CAMTA1: variants seen among roughly 807,000 people sequenced by gnomAD.
CAMTA1 encodes calmodulin binding transcription activator 1.
In CAMTA1, 27 loss-of-function variants were observed where a neutral mutation model predicts 170.9. That is an observed-to-expected ratio of 0.16 (90% CI 0.12 to 0.22). The LOEUF (loss-of-function observed/expected upper bound fraction) is 0.22. Among genes scored for constraint, CAMTA1 ranks in the 10% least tolerant of loss-of-function variants. CAMTA1 has a pLI of 1.00. For synonymous variants in CAMTA1, 833 were observed against 891.5 expected, an observed-to-expected ratio of 0.93 and a Z score of 1.17; for missense variants, 1,619 against 2,217.2, an observed-to-expected ratio of 0.73 and a Z score of 5.42.
intron 6 of CAMTA1, among the ~76,000 whole-genome samples, chr1:7,600,089 G>A (rs2095428621): frequency 6.6e-6 from 1 of 152,170 alleles, no homozygotes; most frequent in Non-Finnish European, 1.5e-5. Context: ...GTCATAGATA[G>A]CTCTTATGAT....
intron 3 of CAMTA1, among the ~76,000 whole-genome samples, chr1:6,927,212 T>TTC (rs1411507900): frequency 9.7e-5 from 12 of 123,292 alleles, no homozygotes; most frequent in Admixed American, 6.7e-4. Context: ...TTCATTCATT[T>TTC]ATTTTGTAGA....
At position 7,374,671 on chromosome 1, in the gene CAMTA1, G is replaced by A. The variant is rs560096929; in HGVS notation, c.439-93159G>A. Among the ~76,000 whole-genome samples the A allele has an allele frequency of 3.3e-5, 5 of 152,306 alleles. No individual in the cohort carries two copies. In the East Asian group the frequency reaches 9.7e-4, roughly 29 times the overall value. ...GCCAAATATAAGGAAGCAGGCGTGC[G>A]GCACCCCTGAGCAATGGGCATGCAC... On this transcript the variant is annotated intron_variant, in intron 5 of 22. Transcript: ENST00000303635.
intron 4 of CAMTA1, among the ~76,000 whole-genome samples, chr1:7,124,981 C>T (rs1014134570): frequency 1.3e-4 from 20 of 152,220 alleles, no homozygotes; most frequent in Non-Finnish European, 2.8e-4. Context: ...CTCTAAGTGC[C>T]GTCTCTGCTC....
chr1:7,081,100 C>T (rs887848052), intron 3 of CAMTA1, among the ~76,000 whole-genome samples: 2 of 152,192 alleles, frequency 1.3e-5, no homozygotes, highest in South Asian at 2.1e-4. Context: ...TTGTCACTTG[C>T]GGATGTCAAT....
intron 6 of CAMTA1, among the ~76,000 whole-genome samples, chr1:7,572,412 C>T (rs367635072): frequency 6.6e-6 from 1 of 152,302 alleles, no homozygotes. Context: ...GAAAGTTTTG[C>T]CAGTTCCTAT....
intron 5 of CAMTA1, among the ~76,000 whole-genome samples, chr1:7,279,961 C>T (rs1384569163): frequency 6.6e-6 from 1 of 152,202 alleles, no homozygotes; most frequent in East Asian, 1.9e-4. Context: ...GGAGTGGCCT[C>T]TATGCCAGCC....
At chr1:7,653,450 A>G (rs1053644754) in intron 7 of CAMTA1, among the ~76,000 whole-genome samples, 2 of 151,818 alleles carry the variant, frequency 1.3e-5, no homozygotes, top group Admixed American at 1.3e-4. Flanking sequence ...TTTTGTAGAG[A>G]CTGGGTCTCG....
intron 4 of CAMTA1, among the ~76,000 whole-genome samples, chr1:7,177,742 G>A (rs925150427): frequency 6.8e-6 from 1 of 147,710 alleles, no homozygotes; most frequent in Admixed American, 6.8e-5. Flanking sequence ...CACATACTGA[G>A]GCCTCTAACA....
At chr1:7,753,385 G>T (rs2096910862) in intron 21 of CAMTA1, among the ~76,000 whole-genome samples, 1 of 152,216 alleles carries the variant, frequency 6.6e-6, no homozygotes. Flanking sequence ...CTTCTGTGTG[G>T]TTGGGTTGTT....
chr1:7,231,616 ACTCAT>A (rs1662852654), intron 4 of CAMTA1, among the ~76,000 whole-genome samples: 1 of 151,984 alleles, frequency 6.6e-6, no homozygotes, highest in South Asian at 2.1e-4. Context: ...CAGGTAATCC[ACTCAT>A]CTCAGCCTCC....
intron 4 of CAMTA1, among the ~76,000 whole-genome samples, chr1:7,208,124 G>A (rs74051185): frequency 0.083 from 12,646 of 152,148 alleles, 1,611 homozygotes; most frequent in African/African-American, 0.28. Context: ...GGTGTAGACC[G>A]GGCTTCCGTC....
chr1:7,109,520 C>T (rs1643886976), intron 4 of CAMTA1, among the ~76,000 whole-genome samples: 1 of 152,210 alleles, frequency 6.6e-6, no homozygotes, highest in Non-Finnish European at 1.5e-5. Flanking sequence ...GCAGACATCA[C>T]TACCCATGGT....
In CAMTA1 at chr1:6,999,514, G is replaced by A. The variant is rs542513432; in HGVS notation, c.235-91790G>A. Reference sequence around the variant, plus strand: ...TCCTCCTATCTCAGTCTCCCAAGTAGTTGGGAATACAGGTGCATGCCAGCA... The same window carrying A: ...TCCTCCTATCTCAGTCTCCCAAGTAATTGGGAATACAGGTGCATGCCAGCA... On this transcript the variant is annotated intron_variant, in intron 3 of 22. Transcript: ENST00000303635. 1.3e-4 allele frequency among the ~76,000 whole-genome samples: 20 copies of A among 152,312 alleles called. No homozygotes were observed. In the South Asian group the frequency reaches 4.1e-3, roughly 32 times the overall value.
At chr1:7,096,792 T>C (rs1473910058) in intron 4 of CAMTA1, among the ~76,000 whole-genome samples, 2 of 152,198 alleles carry the variant, frequency 1.3e-5, no homozygotes, top group East Asian at 3.8e-4. Flanking sequence ...GAACTCCTCC[T>C]CCCCATTGGT....
Position 7,222,310 on chromosome 1 carries a change from T to G in CAMTA1, c.303-27181T>G, listed in dbSNP as rs1165641780. ...CGCCCGGGCTGGTTCCATGAGCACC[T>G]CTGGCTGTGAGGACCTGCGTCTTCT... is the stretch of plus-strand genomic sequence containing the variant. On this transcript the variant is annotated intron_variant, in intron 4 of 22. Coordinates refer to ENST00000303635, the MANE Select transcript of CAMTA1 (RefSeq NM_015215.4). Among the ~76,000 whole-genome samples, 3 of 152,144 alleles carry G rather than the reference T, an allele frequency of 2.0e-5. 1 individual carries two copies. The highest frequency in any genetic ancestry group is 2.0e-4 in the Admixed American group (3 of 15,278).
At chr1:7,276,298 TATA>T (rs1670634344) in intron 5 of CAMTA1, among the ~76,000 whole-genome samples, 1 of 14,564 alleles carries the variant, frequency 6.9e-5, no homozygotes, top group Non-Finnish European at 1.5e-4. Flanking sequence ...TATATATATA[TATA>T]TATTTTTTTT....
chr1:7,195,127 A>T lies in CAMTA1; in HGVS notation c.303-54364A>T, dbSNP rs1007910479. On this transcript the variant is annotated intron_variant, in intron 4 of 22. Coordinates refer to ENST00000303635, the MANE Select transcript of CAMTA1 (RefSeq NM_015215.4). The surrounding 1 kb of genome is among the most constrained non-coding windows in gnomAD (Gnocchi z 4.1). Reference sequence around the variant, plus strand: ...AAACACGCACATAAACCACCAACTAACCCAGCCCAGCAGCAGGCGAGGTTT... The same window carrying T: ...AAACACGCACATAAACCACCAACTATCCCAGCCCAGCAGCAGGCGAGGTTT... Among the ~76,000 whole-genome samples, 7 of 152,082 alleles carry T rather than the reference A, an allele frequency of 4.6e-5. No individual in the cohort carries two copies. The highest frequency in any genetic ancestry group is 1.7e-4 in the African/African-American group (7 of 41,412).
intron 1 of CAMTA1, among the ~76,000 whole-genome samples, chr1:6,800,926 C>T (rs1364393751): frequency 6.6e-6 from 1 of 152,206 alleles, no homozygotes; most frequent in East Asian, 1.9e-4. Flanking sequence ...TTATCCTTTC[C>T]ATCTCAGCCA....
At chr1:7,197,907 C>T (rs748893104) in intron 4 of CAMTA1, among the ~76,000 whole-genome samples, 1 of 151,930 alleles carries the variant, frequency 6.6e-6, no homozygotes, top group Non-Finnish European at 1.5e-5. Flanking sequence ...CCCTGCTAGA[C>T]TTGGCCAGAG....
Sources: gnomAD v4.1 joint callset for allele counts (sites outside exome capture counted in the v4.1 genomes callset) on GRCh38, gnomAD v4.1.1 for gene constraint, Gnocchi (gnomAD v3.1) non-coding constraint, MANE v1.5 for transcripts, NCBI Gene and HGNC (gene_info 2026-07-23, HGNC 2026-07-21) for gene names.